SKIC3: variants seen among roughly 807,000 people sequenced by gnomAD.
SKIC3 encodes superkiller complex protein 3.
chr5:95,480,126 A>G, the SKIC3 span, among the ~76,000 whole-genome samples: 1 of 152,162 alleles, frequency 6.6e-6, no homozygotes, highest in Admixed American at 6.6e-5. Context: ...TGAAAAGTAA[A>G]ACAATAAAAT....
At chr5:95,536,175 T>C in the SKIC3 span, among the ~76,000 whole-genome samples, 2 of 152,146 alleles carry the variant, frequency 1.3e-5, no homozygotes, top group Non-Finnish European at 2.9e-5. Context: ...ACAAAGTACA[T>C]GAAGATACAA....
the SKIC3 span, chr5:95,528,692 A>C: frequency 8.3e-6 from 3 of 361,868 alleles, no homozygotes; most frequent in East Asian, 2.0e-4. Context: ...TTAAGAACTC[A>C]TGTGTCTTGG....
At chr5:95,517,876 T>C in the SKIC3 span, among the ~76,000 whole-genome samples, 2 of 152,032 alleles carry the variant, frequency 1.3e-5, no homozygotes, top group Non-Finnish European at 2.9e-5. Flanking sequence ...CCTCCCTAAA[T>C]GGATTAATAC....
the SKIC3 span, among the ~76,000 whole-genome samples, chr5:95,492,336 C>T: frequency 1.3e-5 from 2 of 150,520 alleles, no homozygotes; most frequent in African/African-American, 2.4e-5. Context: ...GATTCATTTT[C>T]CTATAAAACA....
chr5:95,513,086 A>C, the SKIC3 span: 3 of 180,106 alleles, frequency 1.7e-5, no homozygotes, highest in Non-Finnish European at 3.6e-5. Context: ...CCAGCTCTTG[A>C]AAGTTGTAGA....
the SKIC3 span, among the ~76,000 whole-genome samples, chr5:95,466,445 A>G: frequency 0.24 from 36,592 of 151,948 alleles, 5,738 homozygotes; most frequent in African/African-American, 0.44. Flanking sequence ...CCAAATATCC[A>G]ACATTGCATA....
chr5:95,486,450 C>T, the SKIC3 span, among the ~76,000 whole-genome samples: 1 of 152,170 alleles, frequency 6.6e-6, no homozygotes, highest in Non-Finnish European at 1.5e-5. Context: ...CTGAAAGCAA[C>T]CCCACCCTAC....
the SKIC3 span, among the ~76,000 whole-genome samples, chr5:95,511,805 C>A: frequency 6.6e-6 from 1 of 152,180 alleles, no homozygotes; most frequent in Non-Finnish European, 1.5e-5. Context: ...GCAATAAACA[C>A]TTTCCTGTTG....
chr5:95,530,217 T>G, the SKIC3 span: 1 of 1,613,344 alleles, frequency 6.2e-7, no homozygotes, highest in Non-Finnish European at 8.5e-7. Context: ...CTGCCCCTCA[T>G]CAGTAAGATT....
At chr5:95,467,782 T>A in the SKIC3 span, 2 of 1,556,808 alleles carry the variant, frequency 1.3e-6, no homozygotes, top group Admixed American at 1.9e-5. Context: ...CTTTGAACAA[T>A]AACTCTAAAA....
chr5:95,484,173 T>A, the SKIC3 span, among the ~76,000 whole-genome samples: 1 of 152,112 alleles, frequency 6.6e-6, no homozygotes, highest in Admixed American at 6.5e-5. Context: ...TCTGTAAAAA[T>A]GAGGATAATA....
chr5:95,541,402 C>A, the SKIC3 span: 49 of 1,610,508 alleles, frequency 3.0e-5, no homozygotes, highest in Non-Finnish European at 4.0e-5. Context: ...ACAAAACACA[C>A]ACACACAAAA....
chr5:95,521,656 C>G, the SKIC3 span, among the ~76,000 whole-genome samples: 1 of 151,952 alleles, frequency 6.6e-6, no homozygotes, highest in Admixed American at 6.6e-5. Context: ...CAAAACAATG[C>G]AAGTTGTCTC....
the SKIC3 span, among the ~76,000 whole-genome samples, chr5:95,518,450 T>C: frequency 4.6e-5 from 7 of 152,068 alleles, no homozygotes; most frequent in African/African-American, 1.7e-4. Flanking sequence ...GTATTACCCA[T>C]ATATCCTTTC....
chr5:95,514,227 C>A, the SKIC3 span, among the ~76,000 whole-genome samples: 2 of 152,032 alleles, frequency 1.3e-5, no homozygotes, highest in African/African-American at 2.4e-5. Context: ...GCAAGAACTT[C>A]GAGGCCACTC....
chr5:95,498,100 T>C, the SKIC3 span, among the ~76,000 whole-genome samples: 15 of 152,084 alleles, frequency 9.9e-5, no homozygotes, highest in Non-Finnish European at 1.6e-4. Context: ...TATTACAAAC[T>C]TGGGAATTAA....
the SKIC3 span, chr5:95,464,448 GAA>G: frequency 1.4e-5 from 8 of 591,692 alleles, no homozygotes; most frequent in East Asian, 2.4e-4. Context: ...GGAGTTAACA[GAA>G]AATTGCATTC....
the SKIC3 span, among the ~76,000 whole-genome samples, chr5:95,505,235 A>T: frequency 6.6e-6 from 1 of 152,152 alleles, no homozygotes; most frequent in Non-Finnish European, 1.5e-5. Flanking sequence ...CTTTTTATAA[A>T]ATCTTTTTAA....
the SKIC3 span, chr5:95,498,363 A>C: frequency 6.2e-7 from 1 of 1,613,884 alleles, no homozygotes; most frequent in East Asian, 2.2e-5. Context: ...ACAAATACAG[A>C]ATTTACCTGT....
Sources: gnomAD v4.1 joint callset for allele counts (sites outside exome capture counted in the v4.1 genomes callset) on GRCh38, gnomAD v4.1.1 for gene constraint, MANE v1.5 for transcripts, NCBI Gene and HGNC (gene_info 2026-07-23, HGNC 2026-07-21) for gene names.